The following CD200R1 variants were observed in gnomAD, a reference collection of about 807,000 sequenced individuals.
CD200R1 encodes cell surface glycoprotein CD200 receptor 1.
Under a neutral mutation model 38.1 loss-of-function variants are expected in CD200R1, and 30 were observed. The observed-to-expected ratio is 0.79, with a 90% CI of 0.59 to 1.07. The LOEUF (loss-of-function observed/expected upper bound fraction) is 1.07. Among genes scored for constraint, CD200R1 ranks in the 50% least tolerant of loss-of-function variants. The pLI, the probability that CD200R1 is intolerant of heterozygous loss-of-function variation, is 0.00. For missense variants in CD200R1, 372 were observed against 415.4 expected (o/e 0.90, Z 0.91); for synonymous variants, 128 against 152.1 (o/e 0.84, Z 1.16).
chr3:112,961,921 G>A (rs1933028954), intron 1 of CD200R1, among the ~76,000 whole-genome samples: 1 of 151,818 alleles, frequency 6.6e-6, no homozygotes, highest in Admixed American at 6.6e-5. Flanking sequence ...TACTCTTTAG[G>A]TACAACATAG....
intron 1 of CD200R1, among the ~76,000 whole-genome samples, chr3:112,966,754 T>G (rs1006840437): frequency 7.2e-5 from 11 of 151,776 alleles, no homozygotes; most frequent in Admixed American, 2.0e-4. Flanking sequence ...CCTATGTTGG[T>G]AGAAAAAAAA....
In CD200R1 at chr3:112,934,398, T is replaced by C. The variant is rs533967950; in HGVS notation, c.137-3227A>G. On this transcript the variant is annotated intron_variant, in intron 2 of 7. Transcript: ENST00000308611. The stretch of plus-strand genomic sequence containing the variant: ...ATCCAGAAAAACTATCCTTCAGAAA[T>C]AAAGGCAAGACTGTCACCAAGCAGA... 4.6e-5 allele frequency among the ~76,000 whole-genome samples: 7 copies of C among 151,006 alleles called. No homozygotes were observed. The South Asian group carries it at 1.3e-3, about 27-fold the overall frequency.
intron 2 of CD200R1, among the ~76,000 whole-genome samples, chr3:112,939,421 T>A (rs1291263296): frequency 6.6e-6 from 1 of 151,838 alleles, no homozygotes; most frequent in Non-Finnish European, 1.5e-5. Context: ...ATAAACAAAT[T>A]CAATAAAGTT....
In CD200R1 at chr3:112,974,861, T is replaced by C; in HGVS notation, c.-4A>G. The stretch of plus-strand genomic sequence containing the variant: ...CAGTTCTCCAAGGGCAGAGCATTTC[T>C]GTTTTCTCTTTTTCTGCCCTTCACT... On this transcript the variant is annotated 5_prime_UTR_variant, in exon 1 of 8. Coordinates refer to ENST00000308611, the MANE Select transcript of CD200R1 (RefSeq NM_138806.4). The C allele has an allele frequency of 1.9e-6, 3 of 1,612,594 alleles. No homozygotes were observed. The highest frequency in any genetic ancestry group is 2.5e-6 in the Non-Finnish European group (3 of 1,178,816).
chr3:112,939,727 A>G (rs1044789768), intron 2 of CD200R1, among the ~76,000 whole-genome samples: 1 of 151,806 alleles, frequency 6.6e-6, no homozygotes, highest in African/African-American at 2.4e-5. Context: ...AAAGTAGTCT[A>G]CAGAATAAAT....
At position 112,924,486 on chromosome 3, in the gene CD200R1, T is replaced by C; in HGVS notation, c.924+4A>G. On this transcript the variant is annotated splice_donor_region_variant and intron_variant, in intron 7 of 7. Transcript: ENST00000308611. ...TGCAATTAGTCTTTTTTATCTTATC[T>C]TACCTCCTCAACAACTGGAGTAGAT... is the stretch of plus-strand genomic sequence containing the variant. 1 of 1,341,772 alleles carries C rather than the reference T, an allele frequency of 7.5e-7. No individual in the cohort carries two copies. The highest frequency in any genetic ancestry group is 9.8e-7 in the Non-Finnish European group (1 of 1,022,984). 83.1% of individuals were successfully genotyped at this position (1,341,772 alleles called of 1,614,324 possible). A position where few individuals can be genotyped will look rare whatever the true frequency, so the allele number is the denominator to read the frequency against.
In CD200R1 at chr3:112,923,668, T is replaced by C; in HGVS notation, c.*9A>G. ...TTGTTGTTGTTTCTTGGTACTAGAG[T>C]CCAACAACTTATAAAGTATGGAGGT... On this transcript the variant is annotated 3_prime_UTR_variant, in exon 8 of 8. Coordinates refer to ENST00000308611, the MANE Select transcript of CD200R1 (RefSeq NM_138806.4). 7.5e-7 allele frequency: 1 copy of C among 1,338,908 alleles called. No individual in the cohort carries two copies. Among genetic ancestry groups the C allele is most frequent in the Non-Finnish European group, 1.1e-6 (1 of 939,660 alleles). 82.9% of individuals were successfully genotyped at this position (1,338,908 alleles called of 1,614,324 possible).
At chr3:112,956,700 C>A (rs968042960) in intron 1 of CD200R1, among the ~76,000 whole-genome samples, 1 of 152,204 alleles carries the variant, frequency 6.6e-6, no homozygotes, top group Admixed American at 6.5e-5. Context: ...GGAAGACCTA[C>A]TGGCATGATC....
intron 1 of CD200R1, among the ~76,000 whole-genome samples, chr3:112,972,118 C>T (rs983241104): frequency 2.0e-5 from 3 of 152,074 alleles, no homozygotes; most frequent in Non-Finnish European, 4.4e-5. Flanking sequence ...TTAATAAGGA[C>T]TTTTAATTAA....
At chr3:112,927,533 A>G (rs1940307439) in intron 5 of CD200R1, among the ~76,000 whole-genome samples, 1 of 152,200 alleles carries the variant, frequency 6.6e-6, no homozygotes, top group African/African-American at 2.4e-5. Context: ...ATTACCAAAG[A>G]GTGAAGAAAA....
intron 1 of CD200R1, among the ~76,000 whole-genome samples, chr3:112,966,311 C>A (rs1933160302): frequency 6.6e-6 from 1 of 152,204 alleles, no homozygotes; most frequent in Non-Finnish European, 1.5e-5. Flanking sequence ...ATTAAGCAGG[C>A]TTAAGCTCTA....
At chr3:112,966,092 A>T (rs1194331351) in intron 1 of CD200R1, among the ~76,000 whole-genome samples, 4 of 152,252 alleles carry the variant, frequency 2.6e-5, no homozygotes, top group Non-Finnish European at 5.9e-5. Flanking sequence ...TCCTGCTCTC[A>T]GAAACCTTAC....
chr3:112,945,635 A>G (rs1208366559), intron 2 of CD200R1, among the ~76,000 whole-genome samples: 1 of 152,208 alleles, frequency 6.6e-6, no homozygotes, highest in Non-Finnish European at 1.5e-5. Context: ...AGTCCAAATG[A>G]TCTTTGGTTT....
chr3:112,925,601 GGT>G (rs1297380659), intron 5 of CD200R1, among the ~76,000 whole-genome samples: 1 of 152,000 alleles, frequency 6.6e-6, no homozygotes, highest in Non-Finnish European at 1.5e-5. Flanking sequence ...GACTTTGGGT[GGT>G]AATGTTGTAT....
rs1445076669 is a variant in CD200R1, at chr3:112,922,902, C to T, written c.*775G>A. 2 of 151,770 alleles carry T rather than the reference C, an allele frequency of 1.3e-5. No individual in the cohort carries two copies. Among genetic ancestry groups the T allele is most frequent in the Non-Finnish European group, 2.9e-5 (2 of 67,856 alleles). 9.4% of individuals were successfully genotyped at this position (151,770 alleles called of 1,614,324 possible). On this transcript the variant is annotated 3_prime_UTR_variant, in exon 8 of 8. Transcript: ENST00000308611. The stretch of plus-strand genomic sequence containing the variant: ...TAACATATATATCAATAGTAAAATG[C>T]ACAAACCCTTTGACCTGACAATTCC...
intron 1 of CD200R1, among the ~76,000 whole-genome samples, chr3:112,952,214 T>G (rs1481336640): frequency 1.3e-5 from 2 of 152,180 alleles, no homozygotes; most frequent in Non-Finnish European, 2.9e-5. Context: ...TTTATCTCCT[T>G]GGTTAAATTT....
intron 5 of CD200R1, 36 bp from the exon 6 acceptor site, chr3:112,925,229 C>A: frequency 1.0e-6 from 1 of 998,240 alleles, no homozygotes; most frequent in Middle Eastern, 2.1e-4. Flanking sequence ...AAATGTGGTA[C>A]AATCCAAATA....
Position 112,974,956 on chromosome 3 carries a change from C to T in CD200R1, c.-99G>A. The T allele has an allele frequency of 2.2e-6, 2 of 901,218 alleles. No homozygotes were observed. The highest frequency in any genetic ancestry group is 1.4e-5 in the South Asian group (1 of 72,354). 55.8% of individuals were successfully genotyped at this position (901,218 alleles called of 1,614,324 possible). A position where few individuals can be genotyped will look rare whatever the true frequency, so the allele number is the denominator to read the frequency against. The stretch of plus-strand genomic sequence containing the variant: ...GTGAGACCCTCTCTGGTCAACTTCT[C>T]AGTACAGGATCCTCTTACCCCATCA... On this transcript the variant is annotated 5_prime_UTR_variant, in exon 1 of 8. Transcript: ENST00000308611.
intron 1 of CD200R1, among the ~76,000 whole-genome samples, chr3:112,949,891 A>G (rs1940939929): frequency 6.6e-6 from 1 of 152,236 alleles, no homozygotes; most frequent in Admixed American, 6.5e-5. Context: ...GGCTTAGAAC[A>G]GTGGCCTGCA....
Sources: allele counts gnomAD v4.1 joint callset (sites outside exome capture counted in the v4.1 genomes callset), GRCh38; gene constraint gnomAD v4.1.1; transcripts MANE v1.5; gene names NCBI Gene and HGNC (gene_info 2026-07-23, HGNC 2026-07-21).